The following STARD9 variants were observed in gnomAD, a reference collection of about 807,000 sequenced individuals.
The protein encoded by STARD9 is StAR related lipid transfer domain containing 9.
A neutral mutation model predicts 399.8 loss-of-function variants in STARD9; 346 were observed. The observed-to-expected ratio is 0.87, with a 90% CI of 0.79 to 0.95. STARD9 has a LOEUF of 0.95. Ranked by LOEUF, STARD9 falls within the 40% of genes least tolerant of loss-of-function variation. The pLI, the probability that STARD9 is intolerant of heterozygous loss-of-function variation, is 0.00. For missense variants in STARD9, 5,832 were observed against 5,667.5 expected, an observed-to-expected ratio of 1.03 and a Z score of -0.93; for synonymous variants, 2,203 against 2,143.5, an observed-to-expected ratio of 1.03 and a Z score of -0.77.
chr15:42,690,472 A>T lies in STARD9; in HGVS notation c.8894A>T (p.His2965Leu), dbSNP rs2060665286. The change falls in exon 23 of 33, where the codon CAT (histidine) becomes CTT (leucine). Residue 2965 changes from histidine to leucine, a missense_variant. Physicochemically the swap from His to Leu is moderately conservative, Grantham distance 99 (BLOSUM62 -3). Coordinates refer to ENST00000290607, the MANE Select transcript of STARD9 (RefSeq NM_020759.3). The part of the protein sequence containing the change: ...QPCSSQPVAT[H>L]AYSSHSSTLL... The stretch of plus-strand genomic sequence containing the variant: ...TGCAGTTCTCAACCTGTTGCTACTC[A>T]TGCTTATTCCTCCCATTCCTCTACT... 1 of 1,537,098 alleles carries T rather than the reference A, an allele frequency of 6.5e-7. No homozygotes were observed.
At position 42,652,375 on chromosome 15, in the gene STARD9, T is replaced by G. The variant is rs2059779798; in HGVS notation, c.630-145T>G. ...CTTCTGCCCTCTTTGGACTATTCTC[T>G]TCACGATACTGGACTAAATATGTGT... is the stretch of plus-strand genomic sequence containing the variant. On this transcript the variant is annotated intron_variant, in intron 8 of 32. Transcript: ENST00000290607. 4.9e-5 allele frequency: 34 copies of G among 695,916 alleles called. 2 individuals are homozygous for G. In the South Asian group the frequency reaches 5.8e-4, roughly 12 times the overall value. 43.1% of individuals were successfully genotyped at this position (695,916 alleles called of 1,614,324 possible). A position where few individuals can be genotyped will look rare whatever the true frequency, so the allele number is the denominator to read the frequency against.
chr15:42,615,546 C>CATAT (rs201049061), intron 3 of STARD9, among the ~76,000 whole-genome samples: 1 of 150,022 alleles, frequency 6.7e-6, no homozygotes, highest in African/African-American at 2.4e-5. Flanking sequence ...AAAAACATCC[C>CATAT]ATATATATAT....
intron 3 of STARD9, among the ~76,000 whole-genome samples, chr15:42,590,973 A>G (rs924246253): frequency 6.6e-6 from 1 of 152,192 alleles, no homozygotes; most frequent in African/African-American, 2.4e-5. Context: ...CAGATGCACA[A>G]ACTGTGTCAG....
rs1336358323 is a variant in STARD9, at chr15:42,687,097, C to T, written c.5519C>T (p.Thr1840Ile). The change falls in exon 23 of 33, where the codon ACA (threonine) becomes ATA (isoleucine). Residue 1840 changes from threonine (T) to isoleucine (I), a missense_variant. Around this residue, in one of 2 missense-constraint regions of STARD9, gnomAD observed 5,828 missense variants for 5,651.1 expected, o/e 1.03. Coordinates refer to ENST00000290607, the MANE Select transcript of STARD9 (RefSeq NM_020759.3). ...TCAGGTAAATGCCCTGGAAATATTA[C>T]AGAAGAAAGCCATGATTCAGTTTAT... ...RESGKCPGNI[T>I]EESHDSVYSS... is the part of the protein sequence containing the mutation. 3.3e-6 allele frequency: 5 copies of T among 1,537,246 alleles called. No individual in the cohort carries two copies. The highest frequency in any genetic ancestry group is 1.2e-5 in the South Asian group (1 of 84,064).
chr15:42,683,037 A>C (rs2060468546), intron 22 of STARD9, among the ~76,000 whole-genome samples: 1 of 151,874 alleles, frequency 6.6e-6, no homozygotes, highest in Non-Finnish European at 1.5e-5. Flanking sequence ...TATCTTTTTG[A>C]CTCCCAGGTT....
Position 42,691,848 on chromosome 15 carries a change from A to C in STARD9, c.10270A>C (p.Ser3424Arg). The change falls in exon 23 of 33, where the codon AGC becomes CGC. Residue 3424 changes from serine to arginine, a missense_variant. Transcript: ENST00000290607. ...CATGCCAACCCCTGATTTCACGACC[A>C]GCTGGATGTCTGGTACTTTGGAACA... is the stretch of plus-strand genomic sequence containing the variant. ...SHMPTPDFTT[S>R]WMSGTLEQAQ... The C allele has an allele frequency of 6.5e-7, 1 of 1,537,256 alleles. No individual in the cohort carries two copies. Among genetic ancestry groups the C allele is most frequent in the African/African-American group, 1.4e-5 (1 of 73,166 alleles).
In STARD9 at chr15:42,646,053, C is replaced by A. The variant is rs559254882; in HGVS notation, c.560-4963C>A. On this transcript the variant is annotated intron_variant, in intron 7 of 32. Coordinates refer to ENST00000290607, the MANE Select transcript of STARD9 (RefSeq NM_020759.3). ...GCTGGTGCCTGTAATTCCAGCTACTCGGGAGGCTAAGGCAGGAGAATCACT... is the reference window on the plus strand; with the variant it reads ...GCTGGTGCCTGTAATTCCAGCTACTAGGGAGGCTAAGGCAGGAGAATCACT... Among the ~76,000 whole-genome samples, 440 of 152,002 alleles carry A rather than the reference C, an allele frequency of 2.9e-3. 3 individuals carry two copies. The highest frequency in any genetic ancestry group is 0.01 in the African/African-American group (428 of 41,422).
At chr15:42,644,424 C>T (rs2059605677) in intron 7 of STARD9, among the ~76,000 whole-genome samples, 1 of 151,456 alleles carries the variant, frequency 6.6e-6, no homozygotes, top group Non-Finnish European at 1.5e-5. Context: ...ACCCGGGAGG[C>T]AGAGATTGCA....
intron 15 of STARD9, among the ~76,000 whole-genome samples, chr15:42,666,987 G>C (rs1387440314): frequency 6.6e-6 from 1 of 151,778 alleles, no homozygotes; most frequent in Non-Finnish European, 1.5e-5. Context: ...CCTAATTTCT[G>C]CGTTTTTAGT....
intron 9 of STARD9, among the ~76,000 whole-genome samples, chr15:42,652,836 G>A (rs1330914932): frequency 1.3e-5 from 2 of 151,908 alleles, no homozygotes; most frequent in South Asian, 2.1e-4. Context: ...CACCATGCCC[G>A]GCTAATTATT....
At chr15:42,657,143 C>T (rs985449646) in intron 9 of STARD9, among the ~76,000 whole-genome samples, 1 of 151,844 alleles carries the variant, frequency 6.6e-6, no homozygotes, top group Non-Finnish European at 1.5e-5. Context: ...GATCGCCTGA[C>T]GTTAGGAGTT....
intron 3 of STARD9, among the ~76,000 whole-genome samples, chr15:42,600,829 C>T (rs149873427): frequency 8.5e-4 from 127 of 148,658 alleles, no homozygotes; most frequent in African/African-American, 3.1e-3. Context: ...CAGCCTGCTT[C>T]GTTTATCTCA....
In STARD9 at chr15:42,690,096, G is replaced by A. The variant is rs1023717665; in HGVS notation, c.8518G>A (p.Ala2840Thr). ...GCAAGACCATGTCCAATGCCCTGAG[G>A]CTTCTACTGGCTTTGAAGAAGGTAG... is the stretch of plus-strand genomic sequence containing the variant. ...PKQDHVQCPE[A>T]STGFEEGRAS... is the part of the protein sequence containing the mutation. Residue 2840 changes from alanine to threonine, a missense_variant, in exon 23 of 33, where the codon GCT (alanine) becomes ACT (threonine). Coordinates refer to ENST00000290607, the MANE Select transcript of STARD9 (RefSeq NM_020759.3). 3 of 1,537,704 alleles carry A rather than the reference G, an allele frequency of 2.0e-6. No homozygotes were observed. Among genetic ancestry groups the A allele is most frequent in the Non-Finnish European group, 2.6e-6 (3 of 1,147,032 alleles).
At chr15:42,699,896 G>T (rs1238528212) in intron 26 of STARD9, among the ~76,000 whole-genome samples, 1 of 151,918 alleles carries the variant, frequency 6.6e-6, no homozygotes, top group Non-Finnish European at 1.5e-5. Flanking sequence ...TAGGAGAGAC[G>T]GGTTTTCACC....
chr15:42,690,866 A>G lies in STARD9; in HGVS notation c.9288A>G (p.Thr3096=). 6.5e-7 allele frequency: 1 copy of G among 1,537,204 alleles called. No homozygotes were observed. Among genetic ancestry groups the G allele is most frequent in the Non-Finnish European group, 8.7e-7 (1 of 1,146,898 alleles). The part of the protein sequence containing the change: ...EKKVAEKQAS[T]ELEAASFPAG... ...AGGTTGCTGAGAAGCAAGCAAGCAC[A>G]GAACTTGAGGCTGCCTCTTTCCCTG... Residue 3096 remains threonine, a synonymous_variant, in exon 23 of 33, where the codon ACA becomes ACG. Coordinates refer to ENST00000290607, the MANE Select transcript of STARD9 (RefSeq NM_020759.3).
chr15:42,660,018 A>C (rs759838338), intron 9 of STARD9, among the ~76,000 whole-genome samples: 1 of 152,246 alleles, frequency 6.6e-6, no homozygotes, highest in Non-Finnish European at 1.5e-5. Context: ...ACAATGGAAT[A>C]ATAGCAGTAA....
chr15:42,695,358 G>A, intron 25 of STARD9, 35 bp downstream of exon 25: 1 of 1,494,710 alleles, frequency 6.7e-7, no homozygotes, highest in South Asian at 1.3e-5. Flanking sequence ...TTTCAGGATA[G>A]GCCTGGACCT....
chr15:42,639,869 A>G (rs1566895504), intron 7 of STARD9, among the ~76,000 whole-genome samples: 1 of 152,158 alleles, frequency 6.6e-6, no homozygotes, highest in Non-Finnish European at 1.5e-5. Flanking sequence ...ATCTCAAAAA[A>G]AAAAAAAAAG....
chr15:42,688,123 A>G lies in STARD9; in HGVS notation c.6545A>G (p.Asp2182Gly). The change falls in exon 23 of 33, where the codon GAT (aspartate) becomes GGT (glycine). Residue 2182 changes from aspartate (D) to glycine (G), a missense_variant. By Grantham distance (94) the Asp-to-Gly change is moderately conservative. This residue lies in a region of STARD9 where 5,828 missense variants were observed against 5,651.1 expected (regional missense o/e 1.03). Coordinates refer to ENST00000290607, the MANE Select transcript of STARD9 (RefSeq NM_020759.3). ...GACAGACCTGCCAGGGATATTTGTG[A>G]TTCTTTAGGGAAACACACAACTTGC... is the stretch of plus-strand genomic sequence containing the variant. ...GSDRPARDICDSLGKHTTCRE... is the reference protein window; with the variant it reads ...GSDRPARDICGSLGKHTTCRE... 1 of 1,537,332 alleles carries G rather than the reference A, an allele frequency of 6.5e-7. No individual in the cohort carries two copies. Among genetic ancestry groups the G allele is most frequent in the Non-Finnish European group, 8.7e-7 (1 of 1,146,942 alleles).
Sources: gnomAD v4.1 joint callset for allele counts (sites outside exome capture counted in the v4.1 genomes callset) on GRCh38, gnomAD v4.1.1 for gene constraint, gnomAD v4.1.1 regional missense constraint, MANE v1.5 for transcripts, NCBI Gene and HGNC (gene_info 2026-07-23, HGNC 2026-07-21) for gene names.